KHDRBS2: variants seen among roughly 807,000 people sequenced by gnomAD.
KHDRBS2 encodes the protein KH domain-containing, RNA-binding, signal transduction-associated protein 2.
KHDRBS2 carries 26 observed loss-of-function variants against 44.3 expected under a neutral mutation model. That is an observed-to-expected ratio of 0.59 (90% CI 0.43 to 0.81). The LOEUF (loss-of-function observed/expected upper bound fraction) is 0.81, where lower values mean the gene tolerates loss of function less well. Ranked by LOEUF, KHDRBS2 falls within the 40% of genes least tolerant of loss-of-function variation. The pLI, the probability that KHDRBS2 is intolerant of heterozygous loss-of-function variation, is 0.00. For missense variants in KHDRBS2, 476 were observed against 433.1 expected (o/e 1.10, Z -0.88); for synonymous variants, 194 against 151.1 (o/e 1.28, Z -2.08).
At chr6:61,614,647 C>T in the KHDRBS2 span, among the ~76,000 whole-genome samples, 2 of 152,118 alleles carry the variant, frequency 1.3e-5, no homozygotes, top group African/African-American at 4.8e-5. Flanking sequence ...AGTCCACTGA[C>T]ATTTTTATTC....
intron 4 of KHDRBS2, among the ~76,000 whole-genome samples, chr6:61,966,243 C>G (rs1038460458): frequency 7.9e-5 from 12 of 151,970 alleles, no homozygotes; most frequent in African/African-American, 2.9e-4. Flanking sequence ...AAGAAGATAA[C>G]TGTAAGAAAA....
chr6:62,109,101 A>T (rs1281830999), intron 2 of KHDRBS2, among the ~76,000 whole-genome samples: 1 of 43,946 alleles, frequency 2.3e-5, no homozygotes, highest in African/African-American at 4.4e-5. Context: ...GTATAATAAT[A>T]AAAAAAAAAA....
intron 2 of KHDRBS2, among the ~76,000 whole-genome samples, chr6:62,176,527 T>G (rs1191077197): frequency 6.6e-6 from 1 of 151,292 alleles, no homozygotes; most frequent in African/African-American, 2.4e-5. Context: ...GAGTTTACAT[T>G]TTAGTTTCCT....
intron 4 of KHDRBS2, among the ~76,000 whole-genome samples, chr6:61,903,906 G>T (rs1804505514): frequency 6.6e-6 from 1 of 152,172 alleles, no homozygotes; most frequent in African/African-American, 2.4e-5. Context: ...TGAATCTCCA[G>T]ATATCCTAAG....
rs189390263 is a variant in KHDRBS2 at position 62,199,856 on chromosome 6, A to G, written c.92-22544T>C. On this transcript the variant is annotated intron_variant, in intron 1 of 8. Coordinates refer to ENST00000281156, the MANE Select transcript of KHDRBS2 (RefSeq NM_152688.4). The stretch of plus-strand genomic sequence containing the variant: ...ACTATACTACAAGGCTACAGCAACC[A>G]AAACAGCATGGTACTGGTACTAAAA... Among the ~76,000 whole-genome samples, 355 of 152,344 alleles carry G rather than the reference A, an allele frequency of 2.3e-3. 1 individual carries two copies. The highest frequency in any genetic ancestry group is 7.8e-3 in the African/African-American group (323 of 41,584).
At chr6:62,158,303 C>G (rs754622511) in intron 2 of KHDRBS2, among the ~76,000 whole-genome samples, 4 of 152,118 alleles carry the variant, frequency 2.6e-5, no homozygotes, top group Non-Finnish European at 5.9e-5. Flanking sequence ...ATACTTGTGT[C>G]AGCTTACACC....
chr6:62,038,667 G>T (rs1252585642), intron 3 of KHDRBS2, among the ~76,000 whole-genome samples: 1 of 151,932 alleles, frequency 6.6e-6, no homozygotes, highest in Non-Finnish European at 1.5e-5. Flanking sequence ...CCCACTCTGG[G>T]CCCATTATCC....
At chr6:62,207,586 C>T (rs1200505038) in intron 1 of KHDRBS2, among the ~76,000 whole-genome samples, 1 of 152,022 alleles carries the variant, frequency 6.6e-6, no homozygotes, top group African/African-American at 2.4e-5. Flanking sequence ...ATAAAAGATA[C>T]ACATAATAAA....
chr6:61,933,271 C>T (rs1359735289), intron 4 of KHDRBS2, among the ~76,000 whole-genome samples: 2 of 152,080 alleles, frequency 1.3e-5, no homozygotes, highest in Admixed American at 1.3e-4. Flanking sequence ...GAAATCTGCC[C>T]CTTTGTTCCA....
At chr6:61,847,729 T>G (rs1032484872) in intron 6 of KHDRBS2, among the ~76,000 whole-genome samples, 24 of 152,254 alleles carry the variant, frequency 1.6e-4, no homozygotes, top group African/African-American at 5.5e-4. Context: ...AGTGTTTTCT[T>G]TCTCTACTTC....
chr6:61,710,565 C>A (rs1770328233), intron 7 of KHDRBS2, among the ~76,000 whole-genome samples: 1 of 151,328 alleles, frequency 6.6e-6, no homozygotes, highest in East Asian at 2.0e-4. Flanking sequence ...TTAAAGACCC[C>A]AGTTTTTTTA....
the KHDRBS2 span, among the ~76,000 whole-genome samples, chr6:61,554,997 C>A: frequency 6.6e-6 from 1 of 151,940 alleles, no homozygotes; most frequent in Non-Finnish European, 1.5e-5. Flanking sequence ...TGGAGGTGGT[C>A]TTCTTGTTTC....
At chr6:61,656,129 G>A in the KHDRBS2 span, among the ~76,000 whole-genome samples, 69 of 151,956 alleles carry the variant, frequency 4.5e-4, no homozygotes, top group Non-Finnish European at 8.7e-4. Context: ...TTCATTTAAC[G>A]GATCTTTACA....
chr6:61,722,562 T>A (rs1376395801), intron 7 of KHDRBS2, among the ~76,000 whole-genome samples: 1 of 152,308 alleles, frequency 6.6e-6, no homozygotes, highest in East Asian at 1.9e-4. Context: ...AATATTTTTA[T>A]CTTTTATCTT....
intron 8 of KHDRBS2, among the ~76,000 whole-genome samples, chr6:61,682,332 T>C (rs1472849342): frequency 1.3e-5 from 2 of 151,914 alleles, no homozygotes; most frequent in Non-Finnish European, 2.9e-5. Context: ...GGCATTATTA[T>C]TACAACTGAT....
intron 4 of KHDRBS2, among the ~76,000 whole-genome samples, chr6:61,908,993 G>A (rs1047717629): frequency 2.0e-5 from 3 of 151,870 alleles, no homozygotes; most frequent in African/African-American, 7.3e-5. Flanking sequence ...TTTGATTTCA[G>A]ACAGAAAAGA....
chr6:62,134,930 G>C (rs1811178618), intron 2 of KHDRBS2, among the ~76,000 whole-genome samples: 2 of 152,120 alleles, frequency 1.3e-5, no homozygotes, highest in Non-Finnish European at 2.9e-5. Context: ...TACAGGCTCA[G>C]GCAGAAGGGA....
chr6:61,911,530 T>C (rs1269664580), intron 4 of KHDRBS2, among the ~76,000 whole-genome samples: 1 of 152,228 alleles, frequency 6.6e-6, no homozygotes. Flanking sequence ...AATTCAACTT[T>C]GATCCTTTTT....
At chr6:61,794,038 T>A (rs1262462532) in intron 6 of KHDRBS2, among the ~76,000 whole-genome samples, 1 of 152,174 alleles carries the variant, frequency 6.6e-6, no homozygotes, top group Non-Finnish European at 1.5e-5. Flanking sequence ...TAGTATTTAT[T>A]TGCTCAAAAA....
Sources: allele counts gnomAD v4.1 joint callset (sites outside exome capture counted in the v4.1 genomes callset), GRCh38; gene constraint gnomAD v4.1.1; transcripts MANE v1.5; gene names NCBI Gene and HGNC (gene_info 2026-07-23, HGNC 2026-07-21).